Variants in GUCA1B observed in about 807,000 individuals in gnomAD.
The protein encoded by GUCA1B is guanylyl cyclase-activating protein 2.
Under a neutral mutation model 24.2 loss-of-function variants are expected in GUCA1B, and 22 were observed. That is an observed-to-expected ratio of 0.91 (90% CI 0.65 to 1.30). GUCA1B has a LOEUF of 1.30. GUCA1B is among the 50% of genes most tolerant of loss of function. The pLI is 0.00. For synonymous variants in GUCA1B, 100 were observed against 97.9 expected, an observed-to-expected ratio of 1.02 and a Z score of -0.13; for missense variants, 221 against 258.8, an observed-to-expected ratio of 0.85 and a Z score of 1.00.
intron 1 of GUCA1B, 116 bp from the exon 2 acceptor site, chr6:42,188,847 C>T (rs1192739476): frequency 3.1e-6 from 3 of 969,288 alleles, no homozygotes; most frequent in Non-Finnish European, 4.7e-6. Flanking sequence ...GCCTCTGTGT[C>T]TTTGCTCAAG....
chr6:42,185,962 G>A (rs1325018851), intron 2 of GUCA1B, among the ~76,000 whole-genome samples, 165 bp from the exon 3 acceptor site: 3 of 152,096 alleles, frequency 2.0e-5, no homozygotes, highest in Non-Finnish European at 4.4e-5. Flanking sequence ...GTCCTAAGGC[G>A]GTGCTCTCAG....
Position 42,184,892 on chromosome 6 carries a change from C to G in GUCA1B, c.526G>C (p.Val176Leu). 2 of 1,614,014 alleles carry G rather than the reference C, an allele frequency of 1.2e-6. No individual in the cohort carries two copies. Among genetic ancestry groups the G allele is most frequent in the Non-Finnish European group, 1.7e-6 (2 of 1,179,854 alleles). ...FVEGARRDKW[V>L]MKMLQMDMNP... ...ATGTCCATCTGCAGCATCTTCATCA[C>G]CCACTTGTCCCGACGGGCACCTTCA... The change falls in exon 4 of 4, where the codon GTG (valine) becomes CTG (leucine). Residue 176 changes from valine (V) to leucine (L), a missense_variant. Val to Leu is a conservative substitution (Grantham distance 32). Transcript: ENST00000230361.
At chr6:42,185,917 G>A in intron 2 of GUCA1B, 120 bp from the exon 3 acceptor site, 1 of 731,018 alleles carries the variant, frequency 1.4e-6, no homozygotes, top group South Asian at 1.4e-5. Flanking sequence ...TGCGTCTTAG[G>A]ATCACATAAT....
At position 42,185,729 on chromosome 6, in the gene GUCA1B, G is replaced by T; in HGVS notation, c.426C>A (p.Pro142=). The T allele has an allele frequency of 6.2e-7, 1 of 1,612,890 alleles. No homozygotes were observed. The highest frequency in any genetic ancestry group is 8.5e-7 in the Non-Finnish European group (1 of 1,179,040). Residue 142 remains proline, a synonymous_variant, in exon 3 of 4, where the codon CCC becomes CCA. Transcript: ENST00000230361. ...GGAAGATCCTGTCCACGACCTCCTC[G>T]GGTGTGAGCAGCTGGCCTTGCTCAG... ...LQTEQGQLLT[P]EEVVDRIFLL...
chr6:42,188,614 T>C lies in GUCA1B; in HGVS notation c.325A>G (p.Ile109Val), dbSNP rs1467909418. The C allele has an allele frequency of 1.9e-6, 3 of 1,614,066 alleles. No individual in the cohort carries two copies. The highest frequency in any genetic ancestry group is 3.3e-5 in the Admixed American group (2 of 59,998). ...KIYDKDGNGC[I>V]DRLELLNIVE... ...ATGTTGAGTAGCTCCAGGCGGTCGA[T>C]GCAGCCATTGCCATCCTTATCATAG... Residue 109 changes from isoleucine (I) to valine (V), a missense_variant, in exon 2 of 4, where the codon ATC becomes GTC. Physicochemically the swap from Ile to Val is conservative, Grantham distance 29. Coordinates refer to ENST00000230361, the MANE Select transcript of GUCA1B (RefSeq NM_002098.6).
intron 1 of GUCA1B, among the ~76,000 whole-genome samples, chr6:42,191,895 C>G (rs941729148): frequency 2.0e-5 from 3 of 151,978 alleles, no homozygotes; most frequent in African/African-American, 7.3e-5. Flanking sequence ...TAGACAAACG[C>G]CAGTTGTGGG....
Position 42,188,590 on chromosome 6 carries a change from T to G in GUCA1B, c.349A>C (p.Ile117Leu). The G allele has an allele frequency of 6.2e-7, 1 of 1,614,046 alleles. No individual in the cohort carries two copies. The highest frequency in any genetic ancestry group is 8.5e-7 in the Non-Finnish European group (1 of 1,179,994). ...TGGGCAGAGACACTAACCTCCACAA[T>G]GTTGAGTAGCTCCAGGCGGTCGATG... Reference protein sequence around the residue: ...GCIDRLELLNIVEGIYQLKKA... With the variant: ...GCIDRLELLNLVEGIYQLKKA... The change falls in exon 2 of 4, where the codon ATT becomes CTT. Residue 117 changes from isoleucine (I) to leucine (L), a missense_variant. Coordinates refer to ENST00000230361, the MANE Select transcript of GUCA1B (RefSeq NM_002098.6).
intron 2 of GUCA1B, among the ~76,000 whole-genome samples, chr6:42,186,601 A>C (rs73434258): frequency 2.0e-5 from 3 of 147,156 alleles, no homozygotes; most frequent in Non-Finnish European, 4.4e-5. Context: ...TCAGAAAAAA[A>C]AAAGAAAGAA....
intron 1 of GUCA1B, among the ~76,000 whole-genome samples, chr6:42,193,320 G>C (rs374129789): frequency 4.5e-4 from 69 of 152,338 alleles, no homozygotes; most frequent in African/African-American, 1.6e-3. Flanking sequence ...GGGGAAGATT[G>C]ATGGACTTAA....
chr6:42,187,935 C>T (rs142084667), intron 2 of GUCA1B, among the ~76,000 whole-genome samples: 1 of 151,754 alleles, frequency 6.6e-6, no homozygotes, highest in African/African-American at 2.4e-5. Flanking sequence ...CAGCCTTCAA[C>T]TCCTGGCTCA....
rs778730488 is a variant in GUCA1B at position 42,184,906 on chromosome 6, C to A, written c.512G>T (p.Arg171Leu). The A allele has an allele frequency of 6.2e-7, 1 of 1,614,056 alleles. No homozygotes were observed. Among genetic ancestry groups the A allele is most frequent in the South Asian group, 1.1e-5 (1 of 91,086 alleles). The change falls in exon 4 of 4, where the codon CGT becomes CTT. Residue 171 changes from arginine to leucine, a missense_variant. Physicochemically the swap from Arg to Leu is moderately radical, Grantham distance 102. Coordinates refer to ENST00000230361, the MANE Select transcript of GUCA1B (RefSeq NM_002098.6). The stretch of plus-strand genomic sequence containing the variant: ...CATCTTCATCACCCACTTGTCCCGA[C>A]GGGCACCTTCAACAAACTCGTTCAG... The part of the protein sequence containing the change: ...LSLNEFVEGA[R>L]RDKWVMKMLQ...
Position 42,184,239 on chromosome 6 carries a change from G to A in GUCA1B, c.*576C>T, listed in dbSNP as rs1162276891. On this transcript the variant is annotated 3_prime_UTR_variant, in exon 4 of 4. Coordinates refer to ENST00000230361, the MANE Select transcript of GUCA1B (RefSeq NM_002098.6). ...TGAGTAGCTGGGACTACAGGCGCCCGCCACCTCACCCGGCTGATTTTTTGT... is the reference window on the plus strand; with the variant it reads ...TGAGTAGCTGGGACTACAGGCGCCCACCACCTCACCCGGCTGATTTTTTGT... Among the ~76,000 whole-genome samples the A allele has an allele frequency of 1.3e-5, 2 of 152,054 alleles. No individual in the cohort carries two copies. Among genetic ancestry groups the A allele is most frequent in the Non-Finnish European group, 2.9e-5 (2 of 68,002 alleles).
At chr6:42,194,478 G>A in intron 1 of GUCA1B, 136 bp downstream of exon 1, 2 of 709,378 alleles carry the variant, frequency 2.8e-6, no homozygotes, top group East Asian at 2.6e-5. Context: ...AGACAGAAAA[G>A]GTAAAGAGAG....
At position 42,187,020 on chromosome 6, in the gene GUCA1B, T is replaced by A. The variant is rs985098390; in HGVS notation, c.358-1223A>T. ...GTCTTTTAAAAGAAATAACTTCTGATCTTCTTGACTTTTTCTCATGCATTT... is the reference window on the plus strand; with the variant it reads ...GTCTTTTAAAAGAAATAACTTCTGAACTTCTTGACTTTTTCTCATGCATTT... On this transcript the variant is annotated intron_variant, in intron 2 of 3. Transcript: ENST00000230361. Among the ~76,000 whole-genome samples, 11 of 152,214 alleles carry A rather than the reference T, an allele frequency of 7.2e-5. No individual in the cohort carries two copies. In the South Asian group the frequency reaches 8.3e-4, roughly 11 times the overall value.
In GUCA1B at chr6:42,183,296, G is replaced by C. The variant is rs1003583745; in HGVS notation, c.*1519C>G. On this transcript the variant is annotated 3_prime_UTR_variant, in exon 4 of 4. Transcript: ENST00000230361. ...CACCTGTAAAGTCTCAGGTTTAATA[G>C]GTTAGTTTTATTTCTTATATACCAA... Among the ~76,000 whole-genome samples the C allele has an allele frequency of 1.3e-5, 2 of 152,116 alleles. No homozygotes were observed. Among genetic ancestry groups the C allele is most frequent in the African/African-American group, 4.8e-5 (2 of 41,408 alleles).
chr6:42,189,092 T>C (rs1452394640), intron 1 of GUCA1B, among the ~76,000 whole-genome samples: 1 of 152,004 alleles, frequency 6.6e-6, no homozygotes, highest in African/African-American at 2.4e-5. Context: ...CTAGAGAACA[T>C]TCTCTCTTCT....
At chr6:42,189,692 C>T (rs138846812) in intron 1 of GUCA1B, among the ~76,000 whole-genome samples, 4 of 152,354 alleles carry the variant, frequency 2.6e-5, no homozygotes, top group Middle Eastern at 3.4e-3. Flanking sequence ...GGGGGAGAGG[C>T]ACAGTCTACT....
rs757323534 is a variant in GUCA1B, at chr6:42,194,738, A to C, written c.83T>G (p.Phe28Cys). Residue 28 changes from phenylalanine (F) to cysteine (C), a missense_variant, in exon 1 of 4, where the codon TTT (phenylalanine) becomes TGT (cysteine). Transcript: ENST00000230361. ...VAELQEWYKKFVMECPSGTLF... is the reference protein window; with the variant it reads ...VAELQEWYKKCVMECPSGTLF... ...TGTGCCGCTGGGGCACTCCATCACA[A>C]ACTTCTTGTACCACTCCTGGAGCTC... The C allele has an allele frequency of 6.2e-7, 1 of 1,612,692 alleles. No individual in the cohort carries two copies. Among genetic ancestry groups the C allele is most frequent in the South Asian group, 1.1e-5 (1 of 90,940 alleles).
chr6:42,184,021 C>A lies in GUCA1B; in HGVS notation c.*794G>T, dbSNP rs1300683802. On this transcript the variant is annotated 3_prime_UTR_variant, in exon 4 of 4. Transcript: ENST00000230361. Reference sequence around the variant, plus strand: ...GAGGCCAGGGTCCTCCCCATGAACGCCCCTCAGCATCCCGGAAGTTATAGA... The same window carrying A: ...GAGGCCAGGGTCCTCCCCATGAACGACCCTCAGCATCCCGGAAGTTATAGA... Among the ~76,000 whole-genome samples the A allele has an allele frequency of 6.6e-6, 1 of 152,098 alleles. No homozygotes were observed. The highest frequency in any genetic ancestry group is 1.5e-5 in the Non-Finnish European group (1 of 68,010).
Sources: allele counts gnomAD v4.1 joint callset (sites outside exome capture counted in the v4.1 genomes callset), GRCh38; gene constraint gnomAD v4.1.1; transcripts MANE v1.5; gene names NCBI Gene and HGNC (gene_info 2026-07-23, HGNC 2026-07-21).